The following GPD2 variants were observed in gnomAD, a reference collection of about 807,000 sequenced individuals.
GPD2 encodes glycerol-3-phosphate dehydrogenase 2.
Under a neutral mutation model 82.4 loss-of-function variants are expected in GPD2, and 54 were observed. The ratio of observed to expected loss-of-function variants is 0.66; its 90% CI spans 0.53 to 0.82. GPD2 has a LOEUF of 0.82. GPD2 is among the 40% of genes least tolerant of loss of function. The pLI, the probability that GPD2 is intolerant of heterozygous loss-of-function variation, is 0.00. For missense variants in GPD2, 748 were observed against 896.2 expected (o/e 0.83, Z 2.11); for synonymous variants, 288 against 306.1 (o/e 0.94, Z 0.62).
At chr2:156,581,366 G>A (rs1405958449) in intron 16 of GPD2, among the ~76,000 whole-genome samples, 1 of 151,922 alleles carries the variant, frequency 6.6e-6, no homozygotes, top group Non-Finnish European at 1.5e-5. Context: ...GAAAACTTTT[G>A]AGTTTTTAGA....
chr2:156,485,265 AT>A (rs1683897644), intron 2 of GPD2, among the ~76,000 whole-genome samples: 1 of 152,132 alleles, frequency 6.6e-6, no homozygotes, highest in Non-Finnish European at 1.5e-5. Flanking sequence ...TAAAATGGCC[AT>A]TTCTGATGGT....
At chr2:156,542,074 A>G (rs1052424609) in intron 6 of GPD2, among the ~76,000 whole-genome samples, 1 of 152,010 alleles carries the variant, frequency 6.6e-6, no homozygotes, top group African/African-American at 2.4e-5. Flanking sequence ...TCAAGAGAGG[A>G]AAGTCCTGAG....
At chr2:156,531,885 C>G (rs1006144068) in intron 6 of GPD2, among the ~76,000 whole-genome samples, 7 of 152,206 alleles carry the variant, frequency 4.6e-5, no homozygotes, top group African/African-American at 1.7e-4. Flanking sequence ...AATATCCCAT[C>G]TTGTCACTTC....
At chr2:156,580,085 G>C (rs1166604155) in intron 16 of GPD2, among the ~76,000 whole-genome samples, 1 of 152,120 alleles carries the variant, frequency 6.6e-6, no homozygotes, top group Non-Finnish European at 1.5e-5. Flanking sequence ...TTTTAAAGAC[G>C]TATGCCATGG....
intron 6 of GPD2, among the ~76,000 whole-genome samples, chr2:156,514,095 A>G (rs552345811): frequency 1.3e-5 from 2 of 148,476 alleles, no homozygotes; most frequent in African/African-American, 4.9e-5. Context: ...GTGACATTAC[A>G]TAGTGGCCAT....
At chr2:156,552,390 T>C (rs757155349) in intron 8 of GPD2, among the ~76,000 whole-genome samples, 1 of 152,208 alleles carries the variant, frequency 6.6e-6, no homozygotes, top group Non-Finnish European at 1.5e-5. Flanking sequence ...TTCTCGTATA[T>C]AGAGAAGTTT....
chr2:156,445,766 C>T (rs1682348976), intron 1 of GPD2, among the ~76,000 whole-genome samples: 1 of 152,106 alleles, frequency 6.6e-6, no homozygotes, highest in South Asian at 2.1e-4. Context: ...ATACCTTTTT[C>T]TATTTCTTGC....
intron 6 of GPD2, among the ~76,000 whole-genome samples, chr2:156,544,530 A>G (rs892950965): frequency 1.3e-5 from 2 of 152,224 alleles, no homozygotes; most frequent in Non-Finnish European, 2.9e-5. Flanking sequence ...ATCAAAGTTT[A>G]TAGATCTAAC....
At chr2:156,558,155 A>G (rs1322480687) in intron 9 of GPD2, among the ~76,000 whole-genome samples, 3 of 152,116 alleles carry the variant, frequency 2.0e-5, no homozygotes, top group Non-Finnish European at 4.4e-5. Flanking sequence ...TTGGTGATTT[A>G]TATAGTTTTT....
Position 156,585,341 on chromosome 2 carries a change from T to A in GPD2, c.*2423T>A, listed in dbSNP as rs1167802573. Reference sequence around the variant, plus strand: ...TTGATTCTGTTGGGGTCGGGGTGGGTATGCAGGGATTGCCTTTTATTATCA... The same window carrying A: ...TTGATTCTGTTGGGGTCGGGGTGGGAATGCAGGGATTGCCTTTTATTATCA... On this transcript the variant is annotated 3_prime_UTR_variant, in exon 17 of 17. Coordinates refer to ENST00000438166, the MANE Select transcript of GPD2 (RefSeq NM_000408.5). 6.6e-6 allele frequency: 1 copy of A among 152,314 alleles called. No individual in the cohort carries two copies. Among genetic ancestry groups the A allele is most frequent in the Non-Finnish European group, 1.5e-5 (1 of 67,920 alleles). The allele number at this position is 152,314 out of a possible 1,614,324, so 9.4% of individuals were successfully genotyped here. A position where few individuals can be genotyped will look rare whatever the true frequency, so the allele number is the denominator to read the frequency against.
chr2:156,488,543 G>A (rs903227756), intron 2 of GPD2, among the ~76,000 whole-genome samples: 2 of 151,938 alleles, frequency 1.3e-5, no homozygotes, highest in African/African-American at 4.8e-5. Context: ...CTTTAAATAT[G>A]CACTTCTTTC....
chr2:156,551,122 A>AC (rs1686743045), intron 8 of GPD2, among the ~76,000 whole-genome samples: 1 of 152,212 alleles, frequency 6.6e-6, no homozygotes, highest in African/African-American at 2.4e-5. Context: ...ATTTTGCAGA[A>AC]TACCCAAATT....
intron 6 of GPD2, among the ~76,000 whole-genome samples, chr2:156,530,107 T>G (rs1270032544): frequency 1.1e-3 from 163 of 145,762 alleles, no homozygotes; most frequent in Non-Finnish European, 3.0e-4. Flanking sequence ...TATCCTCTTT[T>G]ATTTCCTTGA....
chr2:156,447,447 A>G (rs1237959034), intron 1 of GPD2, among the ~76,000 whole-genome samples: 4 of 151,834 alleles, frequency 2.6e-5, no homozygotes, highest in South Asian at 4.2e-4. Context: ...CGATCCTCCT[A>G]CGTCAGCCTC....
intron 6 of GPD2, among the ~76,000 whole-genome samples, chr2:156,545,103 C>CATG (rs1458958551): frequency 1.3e-5 from 2 of 152,148 alleles, no homozygotes; most frequent in African/African-American, 2.4e-5. Context: ...TGTGCACACA[C>CATG]ATGAGCATAC....
At chr2:156,435,346 T>C (rs370421412), upstream of GPD2, 5 of 152,144 alleles carry the variant, frequency 3.3e-5, no homozygotes, top group African/African-American at 1.2e-4. Flanking sequence ...TGGGGTCCAT[T>C]TGAGCCCCAA....
At chr2:156,454,493 GA>G (rs66530643) in intron 1 of GPD2, among the ~76,000 whole-genome samples, 12 of 148,642 alleles carry the variant, frequency 8.1e-5, no homozygotes, top group African/African-American at 1.2e-4. Flanking sequence ...CTATCTCTAT[GA>G]AAAAAAAAAA....
At chr2:156,534,438 T>C (rs1573972485) in intron 6 of GPD2, among the ~76,000 whole-genome samples, 1 of 152,206 alleles carries the variant, frequency 6.6e-6, no homozygotes, top group Non-Finnish European at 1.5e-5. Context: ...TTTCCAGGCT[T>C]GAGGGTGGGG....
chr2:156,551,313 A>T (rs1331533832), intron 8 of GPD2, among the ~76,000 whole-genome samples: 1 of 152,222 alleles, frequency 6.6e-6, no homozygotes, highest in East Asian at 1.9e-4. Context: ...AATAGCTATT[A>T]AATGAAAATC....
Sources: allele counts gnomAD v4.1 joint callset (sites outside exome capture counted in the v4.1 genomes callset), GRCh38; gene constraint gnomAD v4.1.1; transcripts MANE v1.5; gene names NCBI Gene and HGNC (gene_info 2026-07-23, HGNC 2026-07-21).